Variants in FAM20B observed in about 807,000 individuals in gnomAD.
The protein encoded by FAM20B is glycosaminoglycan xylosylkinase.
Under a neutral mutation model 43.8 loss-of-function variants are expected in FAM20B, and 23 were observed. The observed-to-expected ratio is 0.53, with a 90% CI of 0.38 to 0.74. FAM20B has a LOEUF of 0.74. FAM20B is among the 30% of genes least tolerant of loss of function. The pLI, the probability that FAM20B is intolerant of heterozygous loss-of-function variation, is 0.00. For synonymous variants in FAM20B, 178 were observed against 192.4 expected (o/e 0.93, Z 0.62); for missense variants, 440 against 510.5 (o/e 0.86, Z 1.33).
chr1:179,038,411 C>A (rs368233974), intron 1 of FAM20B, among the ~76,000 whole-genome samples: 363 of 132,634 alleles, frequency 2.7e-3, no homozygotes, highest in African/African-American at 3.1e-3. Context: ...AACTGCATCT[C>A]AAAAAAAAAA....
intron 2 of FAM20B, among the ~76,000 whole-genome samples, chr1:179,044,587 A>G (rs1650690789): frequency 1.3e-5 from 2 of 152,210 alleles, no homozygotes; most frequent in African/African-American, 4.8e-5. Context: ...TCACTTAGTA[A>G]AGTGCATTTA....
At chr1:179,035,574 G>A (rs1032722337) in intron 1 of FAM20B, 6 of 620,104 alleles carry the variant, frequency 9.7e-6, no homozygotes. Context: ...CACGCATCAG[G>A]CACAGTTCAT....
chr1:179,056,686 G>A (rs1415456114), intron 4 of FAM20B, among the ~76,000 whole-genome samples: 1 of 152,200 alleles, frequency 6.6e-6, no homozygotes, highest in Non-Finnish European at 1.5e-5. Context: ...CATATAGTAA[G>A]AGTACATTTA....
rs1453161441 is a variant in FAM20B, at chr1:179,064,560, C to A, written c.938+64C>A. On this transcript the variant is annotated intron_variant, in intron 6 of 7. Transcript: ENST00000263733. ...CTGTATATGAAAGAAGGGCATTTTC[C>A]AGAGCATCCTGGAGAATATCCAGAA... The A allele has an allele frequency of 6.8e-6, 9 of 1,316,150 alleles. No homozygotes were observed. The East Asian group carries it at 9.5e-5, about 14-fold the overall frequency. The allele number at this position is 1,316,150 out of a possible 1,614,324, so 81.5% of individuals were successfully genotyped here.
chr1:179,041,613 G>T (rs895916071), intron 1 of FAM20B, among the ~76,000 whole-genome samples: 1 of 151,832 alleles, frequency 6.6e-6, no homozygotes, highest in Non-Finnish European at 1.5e-5. Context: ...GAGGGAGACC[G>T]TGGAAAGAGA....
intron 4 of FAM20B, among the ~76,000 whole-genome samples, chr1:179,054,999 A>G (rs987774634): frequency 2.0e-5 from 3 of 152,194 alleles, no homozygotes; most frequent in African/African-American, 4.8e-5. Context: ...GTTTTTACAT[A>G]TATAATATGT....
intron 3 of FAM20B, among the ~76,000 whole-genome samples, chr1:179,051,755 T>C (rs1651017482): frequency 1.3e-5 from 2 of 152,208 alleles, no homozygotes; most frequent in South Asian, 2.1e-4. Flanking sequence ...CAAACAGTTA[T>C]CCTGCCTCAG....
intron 4 of FAM20B, among the ~76,000 whole-genome samples, chr1:179,063,170 A>G (rs937307676): frequency 6.6e-6 from 1 of 151,990 alleles, no homozygotes; most frequent in African/African-American, 2.4e-5. Context: ...CTAGCTACTC[A>G]GGAGGCTGAG....
At chr1:179,066,918 A>G (rs1651714406) in intron 7 of FAM20B, 59 bp downstream of exon 7, 2 of 1,222,948 alleles carry the variant, frequency 1.6e-6, no homozygotes, top group African/African-American at 1.5e-5. Context: ...GGCTCAGGTA[A>G]CAGTACATCC....
chr1:179,063,129 T>C (rs369641797), intron 4 of FAM20B, among the ~76,000 whole-genome samples: 1 of 152,024 alleles, frequency 6.6e-6, no homozygotes, highest in African/African-American at 2.4e-5. Context: ...ATACAAAAAT[T>C]AGCCAAGCAT....
At chr1:179,024,056 G>C (rs1649655265), upstream of FAM20B, among the ~76,000 whole-genome samples, 1 of 152,160 alleles carries the variant, frequency 6.6e-6, no homozygotes, top group Non-Finnish European at 1.5e-5. Context: ...GGGAAAACTG[G>C]GGGGCAGAAC....
At position 179,044,105 on chromosome 1, in the gene FAM20B, A is replaced by G; in HGVS notation, c.258A>G (p.Ala86=). ...CTGAAGAGACACCAGAGCTGGGGGC[A>G]GTCATGCATGCCATGGCCACCAAGA... is the stretch of plus-strand genomic sequence containing the variant. ...VYPEETPELG[A]VMHAMATKKI... Residue 86 remains alanine (A), a synonymous_variant, in exon 2 of 8, where the codon GCA becomes GCG. Transcript: ENST00000263733. The G allele has an allele frequency of 1.9e-6, 3 of 1,614,202 alleles. No individual in the cohort carries two copies. The highest frequency in any genetic ancestry group is 2.5e-6 in the Non-Finnish European group (3 of 1,180,038).
At chr1:179,051,845 A>C (rs1014715925) in intron 3 of FAM20B, among the ~76,000 whole-genome samples, 1 of 151,968 alleles carries the variant, frequency 6.6e-6, no homozygotes, top group Non-Finnish European at 1.5e-5. Flanking sequence ...ACGGGGTTTC[A>C]CCATGTTGGC....
At chr1:179,053,395 C>T (rs570824737) in intron 3 of FAM20B, among the ~76,000 whole-genome samples, 17 of 152,184 alleles carry the variant, frequency 1.1e-4, no homozygotes, top group African/African-American at 4.1e-4. Context: ...ATGATCATGC[C>T]GCTGCACTCT....
At chr1:179,066,941 C>A in intron 7 of FAM20B, 82 bp downstream of exon 7, 1 of 990,240 alleles carries the variant, frequency 1.0e-6, no homozygotes, top group East Asian at 2.4e-5. Context: ...TTTCTTGGCC[C>A]TCAAACTTTC....
intron 7 of FAM20B, among the ~76,000 whole-genome samples, chr1:179,067,182 G>A (rs1003503720): frequency 6.6e-6 from 1 of 150,878 alleles, no homozygotes; most frequent in Non-Finnish European, 1.5e-5. Flanking sequence ...AGTAAAATCT[G>A]TATGCCTGGT....
At chr1:179,071,527 A>G (rs1011358042) in intron 7 of FAM20B, among the ~76,000 whole-genome samples, 1 of 152,138 alleles carries the variant, frequency 6.6e-6, no homozygotes, top group Admixed American at 6.5e-5. Context: ...CCCACCCAGC[A>G]TCATATCATA....
chr1:179,065,354 C>G (rs576689959), intron 6 of FAM20B, among the ~76,000 whole-genome samples: 1 of 152,220 alleles, frequency 6.6e-6, no homozygotes, highest in South Asian at 2.1e-4. Flanking sequence ...CCAGGCTGGT[C>G]TTGAACTCCT....
intron 7 of FAM20B, among the ~76,000 whole-genome samples, chr1:179,069,366 G>C (rs868010099): frequency 2.6e-5 from 4 of 151,970 alleles, no homozygotes; most frequent in African/African-American, 9.7e-5. Context: ...TTTTGTTTTT[G>C]TTTTTGTTTT....
Sources: allele counts gnomAD v4.1 joint callset (sites outside exome capture counted in the v4.1 genomes callset), GRCh38; gene constraint gnomAD v4.1.1; transcripts MANE v1.5; gene names NCBI Gene and HGNC (gene_info 2026-07-23, HGNC 2026-07-21).